ALDH8A1: variants seen among roughly 807,000 people sequenced by gnomAD.
ALDH8A1 encodes 2-aminomuconic semialdehyde dehydrogenase.
ALDH8A1 carries 39 observed loss-of-function variants against 43.3 expected under a neutral mutation model. That is an observed-to-expected ratio of 0.90 (90% CI 0.70 to 1.18). ALDH8A1 has a LOEUF of 1.18. Ranked by LOEUF, ALDH8A1 falls within the 50% of genes most tolerant of loss-of-function variation. ALDH8A1 has a pLI of 0.00. For synonymous variants in ALDH8A1, 233 were observed against 243.5 expected, an observed-to-expected ratio of 0.96 and a Z score of 0.40; for missense variants, 605 against 622.6, an observed-to-expected ratio of 0.97 and a Z score of 0.30.
intron 1 of ALDH8A1, among the ~76,000 whole-genome samples, chr6:134,946,784 G>A (rs576880742): frequency 6.7e-5 from 10 of 149,062 alleles, no homozygotes; most frequent in East Asian, 1.9e-4. Context: ...ATGTGTGCGC[G>A]CGCGCACAGG....
Position 134,917,456 on chromosome 6 carries a change from AGATGC to A in ALDH8A1, c.*954_*958del, listed in dbSNP as rs1361419517. On this transcript the variant is annotated 3_prime_UTR_variant, in exon 7 of 7. Transcript: ENST00000265605. ...GGGTTAGCAAGTTGTAAGCCTCATTAGATGCATACACTAAGAAATGGAATTGATTA... is the reference window on the plus strand; with the variant it reads ...GGGTTAGCAAGTTGTAAGCCTCATTAATACACTAAGAAATGGAATTGATTA... 1.3e-5 allele frequency: 2 copies of A among 152,234 alleles called. No homozygotes were observed. Among genetic ancestry groups the A allele is most frequent in the Non-Finnish European group, 2.9e-5 (2 of 68,034 alleles). The allele number at this position is 152,234 out of a possible 1,614,324, so 9.4% of individuals were successfully genotyped here. A position where few individuals can be genotyped will look rare whatever the true frequency, so the allele number is the denominator to read the frequency against.
intron 3 of ALDH8A1, chr6:134,942,185 A>T (rs1230608586): frequency 1.5e-5 from 6 of 393,936 alleles, no homozygotes; most frequent in Middle Eastern, 7.2e-4. Context: ...ATGCCACTGC[A>T]CTCCAGCCTG....
chr6:134,940,287 C>T (rs989844633), intron 3 of ALDH8A1: 6 of 254,146 alleles, frequency 2.4e-5, no homozygotes, highest in South Asian at 3.6e-5. Context: ...CAGAATGTGA[C>T]GCATTTTGAG....
At chr6:134,925,526 T>C (rs1776868296) in intron 6 of ALDH8A1, among the ~76,000 whole-genome samples, 1 of 152,242 alleles carries the variant, frequency 6.6e-6, no homozygotes, top group South Asian at 2.1e-4. Flanking sequence ...GGAAAATGGA[T>C]ACCTTAAATT....
chr6:134,943,780 G>T, intron 2 of ALDH8A1, 39 bp downstream of exon 2: 2 of 1,604,968 alleles, frequency 1.2e-6, no homozygotes, highest in Non-Finnish European at 1.7e-6. Flanking sequence ...AATCAGAGAT[G>T]CCCTGAGTCC....
Position 134,925,902 on chromosome 6 carries a change from C to T in ALDH8A1, c.1011+3152G>A, listed in dbSNP as rs566933720. 2.6e-5 allele frequency among the ~76,000 whole-genome samples: 4 copies of T among 152,112 alleles called. No individual in the cohort carries two copies. The South Asian group carries it at 6.2e-4, about 24-fold the overall frequency. On this transcript the variant is annotated intron_variant, in intron 6 of 6. Coordinates refer to ENST00000265605, the MANE Select transcript of ALDH8A1 (RefSeq NM_022568.4). ...TCTGAAGGAAGAGCATTCCAGGCAG[C>T]GTGAGCAACAAGAGCAAGGGCCAAG... is the stretch of plus-strand genomic sequence containing the variant.
In ALDH8A1 at chr6:134,928,552, G is replaced by A. The variant is rs76759450; in HGVS notation, c.1011+502C>T. Among the ~76,000 whole-genome samples the A allele has an allele frequency of 6.3e-3, 954 of 152,218 alleles. 11 individuals are homozygous for A. The highest frequency in any genetic ancestry group is 0.021 in the African/African-American group (874 of 41,540). ...ATCAAGGGCCAGATCTTCTCTTTTTGAAAAATGACCCTAAAGACCTGAGTT... is the reference window on the plus strand; with the variant it reads ...ATCAAGGGCCAGATCTTCTCTTTTTAAAAAATGACCCTAAAGACCTGAGTT... On this transcript the variant is annotated intron_variant, in intron 6 of 6. Coordinates refer to ENST00000265605, the MANE Select transcript of ALDH8A1 (RefSeq NM_022568.4).
intron 1 of ALDH8A1, among the ~76,000 whole-genome samples, chr6:134,947,898 G>A (rs989956439): frequency 2.0e-5 from 3 of 151,602 alleles, no homozygotes; most frequent in African/African-American, 7.3e-5. Flanking sequence ...TCCCACTACT[G>A]GAAATTTATC....
chr6:134,918,930 A>T, intron 6 of ALDH8A1, 63 bp from the exon 7 acceptor site: 1 of 1,525,102 alleles, frequency 6.6e-7, no homozygotes, highest in Non-Finnish European at 9.0e-7. Flanking sequence ...AATCAGCAGA[A>T]AATTCAATGT....
rs150143580 is a variant in ALDH8A1, at chr6:134,948,481, C to T, written c.138+1435G>A. Among the ~76,000 whole-genome samples the T allele has an allele frequency of 4.6e-5, 7 of 152,260 alleles. No individual in the cohort carries two copies. The East Asian group carries it at 1.2e-3, about 25-fold the overall frequency. On this transcript the variant is annotated intron_variant, in intron 1 of 6. Coordinates refer to ENST00000265605, the MANE Select transcript of ALDH8A1 (RefSeq NM_022568.4). ...ATTGTATGCATGTATCAAAATGTCA[C>T]ATATGCCCATAAAGATGTACAATTA...
chr6:134,937,286 G>A (rs1227425714), intron 4 of ALDH8A1, among the ~76,000 whole-genome samples: 2 of 152,184 alleles, frequency 1.3e-5, no homozygotes, highest in Non-Finnish European at 2.9e-5. Context: ...AGTTATTTTC[G>A]CTTTTCCCTC....
chr6:134,940,776 G>A (rs1212306289), intron 3 of ALDH8A1, among the ~76,000 whole-genome samples: 1 of 152,186 alleles, frequency 6.6e-6, no homozygotes, highest in Non-Finnish European at 1.5e-5. Context: ...TGCTATGAAA[G>A]TAAATGCATC....
intron 6 of ALDH8A1, among the ~76,000 whole-genome samples, chr6:134,924,553 A>G (rs1322798541): frequency 1.3e-5 from 2 of 152,200 alleles, no homozygotes; most frequent in Non-Finnish European, 2.9e-5. Context: ...CTCTCTGGCT[A>G]TGCCCAGAAT....
chr6:134,918,533 A>T lies in ALDH8A1; in HGVS notation c.1346T>A (p.Leu449His), dbSNP rs746931383. The change falls in exon 7 of 7, where the codon CTC (leucine) becomes CAC (histidine). Residue 449 changes from leucine (L) to histidine (H), a missense_variant. Leu to His is a moderately conservative substitution (Grantham distance 99, BLOSUM62 -3). Coordinates refer to ENST00000265605, the MANE Select transcript of ALDH8A1 (RefSeq NM_022568.4). ...GAAAGGAAGGTTCAGCTCCCTGATGAGCCAGCAGTTGGTCCAGACCAAGCC... is the reference window on the plus strand; with the variant it reads ...GAAAGGAAGGTTCAGCTCCCTGATGTGCCAGCAGTTGGTCCAGACCAAGCC... ...QSGLVWTNCWLIRELNLPFGG... is the reference protein window; with the variant it reads ...QSGLVWTNCWHIRELNLPFGG... 4.3e-6 allele frequency: 7 copies of T among 1,614,068 alleles called. No individual in the cohort carries two copies. In the South Asian group the frequency reaches 7.7e-5, roughly 18 times the overall value.
At chr6:134,923,793 T>G (rs981896242) in intron 6 of ALDH8A1, among the ~76,000 whole-genome samples, 2 of 152,210 alleles carry the variant, frequency 1.3e-5, no homozygotes, top group African/African-American at 2.4e-5. Flanking sequence ...ACTAGTGGCC[T>G]TCTCATTTCT....
Position 134,932,909 on chromosome 6 carries a change from A to T in ALDH8A1, c.716T>A (p.Ile239Asn). The change falls in exon 5 of 7, where the codon ATC (isoleucine) becomes AAC (asparagine). Residue 239 changes from isoleucine (I) to asparagine (N), a missense_variant. By Grantham distance (149) the Ile-to-Asn change is moderately radical. Transcript: ENST00000265605. Reference protein sequence around the residue: ...FTGSQPTAERITQLSAPHCKK... With the variant: ...FTGSQPTAERNTQLSAPHCKK... ...GCAGTGGGGAGCGCTCAGCTGGGTG[A>T]TCCGCTCAGCGGTGGGCTGGCTCCC... 1 of 1,614,164 alleles carries T rather than the reference A, an allele frequency of 6.2e-7. No homozygotes were observed.
intron 6 of ALDH8A1, among the ~76,000 whole-genome samples, chr6:134,922,439 G>A (rs1776819086): frequency 6.6e-6 from 1 of 152,060 alleles, no homozygotes. Context: ...CCAGGCTGGA[G>A]TGCAATGGTG....
Position 134,918,619 on chromosome 6 carries a change from C to A in ALDH8A1, c.1260G>T (p.Ala420=). 1 of 1,614,182 alleles carries A rather than the reference C, an allele frequency of 6.2e-7. No homozygotes were observed. The highest frequency in any genetic ancestry group is 8.5e-7 in the Non-Finnish European group (1 of 1,180,032). Residue 420 remains alanine, a synonymous_variant, in exon 7 of 7, where the codon GCG becomes GCT. Coordinates refer to ENST00000265605, the MANE Select transcript of ALDH8A1 (RefSeq NM_022568.4). Reference sequence around the variant, plus strand: ...CCACATTGCTGGACCACACGGTAGCCGCCAGCCCATACTTAACGTTGTTGG... The same window carrying A: ...CCACATTGCTGGACCACACGGTAGCAGCCAGCCCATACTTAACGTTGTTGG... ...ERANNVKYGL[A]ATVWSSNVGR... is the part of the protein sequence containing the mutation.
chr6:134,942,075 G>C (rs1326605583), intron 3 of ALDH8A1: 2 of 163,468 alleles, frequency 1.2e-5, no homozygotes, highest in African/African-American at 4.8e-5. Flanking sequence ...ACAAAAATTA[G>C]CCGGTGTGGT....
Sources: allele counts gnomAD v4.1 joint callset (sites outside exome capture counted in the v4.1 genomes callset), GRCh38; gene constraint gnomAD v4.1.1; transcripts MANE v1.5; gene names NCBI Gene and HGNC (gene_info 2026-07-23, HGNC 2026-07-21).